The following ACTR3B variants were observed in gnomAD, a reference collection of about 807,000 sequenced individuals.
ACTR3B encodes the protein actin-related protein 3B.
ACTR3B carries 8 observed loss-of-function variants against 59.0 expected under a neutral mutation model. That is an observed-to-expected ratio of 0.14 (90% CI 0.08 to 0.24). The LOEUF is 0.24. ACTR3B is among the 10% of genes least tolerant of loss of function. The pLI, the probability that ACTR3B is intolerant of heterozygous loss-of-function variation, is 1.00. For missense variants in ACTR3B, 245 were observed against 552.3 expected (o/e 0.44, Z 5.58); for synonymous variants, 148 against 197.9 (o/e 0.75, Z 2.12).
intron 1 of ACTR3B, among the ~76,000 whole-genome samples, chr7:152,771,895 A>G (rs1352394401): frequency 6.6e-6 from 1 of 152,074 alleles, no homozygotes; most frequent in East Asian, 1.9e-4. Flanking sequence ...GAGAAACCCC[A>G]TCTCTACTAA....
chr7:152,783,927 C>A (rs970416785), intron 2 of ACTR3B, among the ~76,000 whole-genome samples: 5 of 151,616 alleles, frequency 3.3e-5, no homozygotes, highest in Admixed American at 2.6e-4. Flanking sequence ...CCGTCTCTAT[C>A]AAAAATACAA....
chr7:152,795,879 T>A (rs2098214747), intron 2 of ACTR3B, among the ~76,000 whole-genome samples: 1 of 151,574 alleles, frequency 6.6e-6, no homozygotes. Context: ...TGTCTTGCTC[T>A]GTCACCCAGG....
At chr7:152,826,404 ACT>A (rs1381661681) in intron 9 of ACTR3B, among the ~76,000 whole-genome samples, 3 of 151,848 alleles carry the variant, frequency 2.0e-5, no homozygotes, top group African/African-American at 4.8e-5. Flanking sequence ...TTGAAATTTT[ACT>A]GTTAAGATTT....
At chr7:152,827,884 AG>A (rs1796701754) in intron 9 of ACTR3B, among the ~76,000 whole-genome samples, 2 of 151,172 alleles carry the variant, frequency 1.3e-5, no homozygotes, top group Non-Finnish European at 3.0e-5. Context: ...GCCAGGTAAC[AG>A]CTGCTGTAGT....
At chr7:152,844,606 G>A (rs2689544) in intron 9 of ACTR3B, among the ~76,000 whole-genome samples, 3 of 149,188 alleles carry the variant, frequency 2.0e-5, no homozygotes, top group East Asian at 3.9e-4. Flanking sequence ...TGATGATGTC[G>A]TCTGTTACAA....
At chr7:152,837,506 A>G (rs1436357706) in intron 9 of ACTR3B, among the ~76,000 whole-genome samples, 2 of 152,258 alleles carry the variant, frequency 1.3e-5, no homozygotes, top group African/African-American at 4.8e-5. Context: ...TAGTTAGAAA[A>G]CCAATTTTAC....
intron 11 of ACTR3B, 28 bp downstream of exon 11, chr7:152,853,605 TC>T: frequency 6.3e-7 from 1 of 1,591,962 alleles, no homozygotes; most frequent in South Asian, 1.1e-5. Flanking sequence ...GGGCTCTGTG[TC>T]TCCATTCCTG....
At chr7:152,847,696 G>A (rs77530150) in intron 9 of ACTR3B, among the ~76,000 whole-genome samples, 2,788 of 152,324 alleles carry the variant, frequency 0.018, 75 homozygotes, top group African/African-American at 0.061. Flanking sequence ...ACACAGTTCT[G>A]TGGTCGCACC....
intron 9 of ACTR3B, among the ~76,000 whole-genome samples, chr7:152,829,297 G>A (rs1447984497): frequency 1.3e-5 from 2 of 152,064 alleles, no homozygotes; most frequent in African/African-American, 4.8e-5. Context: ...CTGGAATTAG[G>A]CCTTCAGAGC....
intron 4 of ACTR3B, among the ~76,000 whole-genome samples, chr7:152,807,470 ATAATG>A (rs2098255826): frequency 6.6e-6 from 1 of 151,954 alleles, no homozygotes; most frequent in African/African-American, 2.4e-5. Flanking sequence ...TTTATAAGAA[ATAATG>A]TAATCTTTGT....
chr7:152,849,674 G>A (rs374574251), intron 9 of ACTR3B, among the ~76,000 whole-genome samples: 167 of 152,374 alleles, frequency 1.1e-3, no homozygotes, highest in African/African-American at 3.8e-3. Flanking sequence ...CTGTGGATAA[G>A]CAAAACACTT....
rs746514569 is a variant in ACTR3B at position 152,823,440 on chromosome 7, G to A, written c.783G>A (p.Ala261=). The A allele has an allele frequency of 8.7e-6, 14 of 1,614,240 alleles. No homozygotes were observed. Among genetic ancestry groups the A allele is most frequent in the South Asian group, 2.2e-5 (2 of 91,090 alleles). Residue 261 remains alanine (A), a synonymous_variant, in exon 8 of 12, where the codon GCG becomes GCA. Transcript: ENST00000256001. ...KWIKQYTGIN[A]INQKKFVIDV... is the part of the protein sequence containing the mutation. ...TCAAACAGTACACGGGTATCAATGC[G>A]ATCAACCAGAAGAAGTTTGTTATAG...
At chr7:152,789,261 G>A (rs2969838) in intron 2 of ACTR3B, among the ~76,000 whole-genome samples, 18,050 of 132,968 alleles carry the variant, frequency 0.14, 1,285 homozygotes, top group African/African-American at 0.27. Context: ...GTGTAGTGAC[G>A]CTCACCTGTG....
chr7:152,768,096 G>C (rs1222288621), intron 1 of ACTR3B, among the ~76,000 whole-genome samples: 1 of 152,198 alleles, frequency 6.6e-6, no homozygotes, highest in African/African-American at 2.4e-5. Flanking sequence ...GGTGGCACAC[G>C]CCTGTAATCC....
intron 9 of ACTR3B, among the ~76,000 whole-genome samples, chr7:152,849,632 G>A (rs768658567): frequency 1.3e-5 from 2 of 152,196 alleles, no homozygotes; most frequent in South Asian, 2.1e-4. Flanking sequence ...CTAATAAAAA[G>A]GTCCTGTGCA....
intron 4 of ACTR3B, among the ~76,000 whole-genome samples, chr7:152,807,048 C>T (rs2098254376): frequency 6.6e-6 from 1 of 152,178 alleles, no homozygotes; most frequent in African/African-American, 2.4e-5. Flanking sequence ...GCTGCATCTC[C>T]TGCTTGGCAT....
intron 1 of ACTR3B, among the ~76,000 whole-genome samples, chr7:152,770,513 C>T (rs1244382998): frequency 6.6e-6 from 1 of 151,606 alleles, no homozygotes; most frequent in South Asian, 2.1e-4. Flanking sequence ...CTTTGTTTGA[C>T]TAAAGGAGAA....
chr7:152,837,175 C>CAA (rs542897254), intron 9 of ACTR3B, among the ~76,000 whole-genome samples: 1 of 146,462 alleles, frequency 6.8e-6, no homozygotes, highest in Non-Finnish European at 1.5e-5. Flanking sequence ...GACCTTGTCT[C>CAA]AAAAAAAAAC....
chr7:152,769,789 G>A (rs1590199452), intron 1 of ACTR3B, among the ~76,000 whole-genome samples: 1 of 150,036 alleles, frequency 6.7e-6, no homozygotes, highest in Admixed American at 6.6e-5. Context: ...TTTTCTGTTG[G>A]CTCCCAACTA....
Sources: allele counts gnomAD v4.1 joint callset (sites outside exome capture counted in the v4.1 genomes callset), GRCh38; gene constraint gnomAD v4.1.1; transcripts MANE v1.5; gene names NCBI Gene and HGNC (gene_info 2026-07-23, HGNC 2026-07-21).